SEC23B: variants seen among roughly 807,000 people sequenced by gnomAD.
SEC23B encodes SEC23 homolog B, COPII component.
SEC23B carries 77 observed loss-of-function variants against 104.3 expected under a neutral mutation model. That is an observed-to-expected ratio of 0.74 (90% CI 0.61 to 0.89). The LOEUF is 0.89. Among genes scored for constraint, SEC23B ranks in the 40% least tolerant of loss-of-function variants. SEC23B has a pLI of 0.00. For synonymous variants in SEC23B, 338 were observed against 332.5 expected, an observed-to-expected ratio of 1.02 and a Z score of -0.18; for missense variants, 885 against 949.4, an observed-to-expected ratio of 0.93 and a Z score of 0.89.
At chr20:18,559,788 G>T (rs2122196538) in intron 19 of SEC23B, among the ~76,000 whole-genome samples, 1 of 152,208 alleles carries the variant, frequency 6.6e-6, no homozygotes, top group African/African-American at 2.4e-5. Context: ...GTGCATCCTT[G>T]GGTCCCAAGG....
intron 4 of SEC23B, among the ~76,000 whole-genome samples, chr20:18,522,910 T>A (rs1323385928): frequency 1.3e-5 from 2 of 150,978 alleles, no homozygotes; most frequent in Non-Finnish European, 3.0e-5. Flanking sequence ...ACAAAAAAAA[T>A]TTAAAAATTA....
At chr20:18,525,223 C>G (rs1350799377) in intron 6 of SEC23B, among the ~76,000 whole-genome samples, 1 of 152,150 alleles carries the variant, frequency 6.6e-6, no homozygotes, top group Admixed American at 6.5e-5. Context: ...CATTCCACAT[C>G]TGATGTCCTT....
chr20:18,535,004 A>G (rs1196701114), intron 11 of SEC23B, among the ~76,000 whole-genome samples: 2 of 152,114 alleles, frequency 1.3e-5, no homozygotes, highest in African/African-American at 4.8e-5. Flanking sequence ...AAGGAAGGTG[A>G]ACCCCCGTGA....
intron 4 of SEC23B, among the ~76,000 whole-genome samples, chr20:18,519,478 C>T (rs916250988): frequency 5.9e-5 from 9 of 152,172 alleles, no homozygotes; most frequent in African/African-American, 1.2e-4. Flanking sequence ...AGCTGCCGCA[C>T]GGAGACATGA....
chr20:18,527,549 T>G lies in SEC23B; in HGVS notation c.1047T>G (p.Ile349Met). Residue 349 changes from isoleucine to methionine, a missense_variant, in exon 9 of 20, where the codon ATT becomes ATG. Transcript: ENST00000650089. ...RTAANGHCID[I>M]YACALDQTGL... ...CTGCAAATGGTCACTGCATTGATAT[T>G]TATGCTTGTGCCCTTGATCAAACTG... 6.2e-7 allele frequency: 1 copy of G among 1,613,904 alleles called. No individual in the cohort carries two copies. The highest frequency in any genetic ancestry group is 1.6e-4 in the Middle Eastern group (1 of 6,062).
chr20:18,534,252 A>T (rs1306338061), intron 11 of SEC23B, among the ~76,000 whole-genome samples: 1 of 152,218 alleles, frequency 6.6e-6, no homozygotes, highest in Non-Finnish European at 1.5e-5. Context: ...ATGTTCTCCT[A>T]CCACGATGTC....
chr20:18,522,392 A>C (rs1422586541), intron 4 of SEC23B, among the ~76,000 whole-genome samples: 2 of 152,352 alleles, frequency 1.3e-5, no homozygotes, highest in Non-Finnish European at 1.5e-5. Context: ...CCACGGATAA[A>C]AGGTGTCTCC....
chr20:18,517,150 C>T (rs2060036854), intron 4 of SEC23B, among the ~76,000 whole-genome samples: 1 of 152,208 alleles, frequency 6.6e-6, no homozygotes, highest in South Asian at 2.1e-4. Context: ...GAAGAGACCA[C>T]CAAACAGGCT....
intron 9 of SEC23B, among the ~76,000 whole-genome samples, chr20:18,528,450 C>T (rs2060153344): frequency 6.6e-6 from 1 of 152,236 alleles, no homozygotes; most frequent in Non-Finnish European, 1.5e-5. Context: ...TCTTGAGCCT[C>T]ACTCTAGACC....
intron 1 of SEC23B, 68 bp from the exon 2 acceptor site, chr20:18,510,754 A>G: frequency 8.3e-7 from 1 of 1,204,304 alleles, no homozygotes; most frequent in Non-Finnish European, 1.2e-6. Flanking sequence ...TACATGACCC[A>G]TCTTCTTTTT....
At chr20:18,523,725 G>T (rs1166284056) in intron 4 of SEC23B, among the ~76,000 whole-genome samples, 3 of 147,552 alleles carry the variant, frequency 2.0e-5, no homozygotes, top group East Asian at 4.0e-4. Context: ...TTTTTTTTAA[G>T]ATGGGGTCTT....
chr20:18,542,177 A>G lies in SEC23B; in HGVS notation c.1405-119A>G, dbSNP rs1568617129. ...GCAAATCCTAAGTGTGCCCTTCAAA[A>G]TGTGTCAAGAACCTTCCTGTCATTG... On this transcript the variant is annotated intron_variant, in intron 12 of 19. Transcript: ENST00000650089. 3 of 893,664 alleles carry G rather than the reference A, an allele frequency of 3.4e-6. No homozygotes were observed. In the Admixed American group the frequency reaches 5.1e-5, roughly 15 times the overall value. The allele number at this position is 893,664 out of a possible 1,614,324, so 55.4% of individuals were successfully genotyped here.
intron 13 of SEC23B, 40 bp from the exon 14 acceptor site, chr20:18,542,979 C>T (rs1206134888): frequency 2.5e-6 from 4 of 1,613,150 alleles, no homozygotes; most frequent in Non-Finnish European, 2.5e-6. Flanking sequence ...TTTCTGATCT[C>T]TCCTAAACAT....
intron 16 of SEC23B, among the ~76,000 whole-genome samples, chr20:18,550,822 C>T (rs1358801719): frequency 1.3e-5 from 1 of 79,744 alleles, no homozygotes; most frequent in Non-Finnish European, 3.6e-5. Context: ...AACACCCTGA[C>T]TCTTAAAAAA....
intron 12 of SEC23B, among the ~76,000 whole-genome samples, chr20:18,539,210 T>TCAAAAAAA: frequency 1.1e-5 from 1 of 95,138 alleles, no homozygotes; most frequent in East Asian, 3.7e-4. Context: ...AGACTCCGTC[T>TCAAAAAAA]AAAAAAAAAA....
In SEC23B at chr20:18,527,517, C is replaced by A. The variant is rs368960604; in HGVS notation, c.1015C>A (p.Arg339=). The A allele has an allele frequency of 6.2e-7, 1 of 1,611,214 alleles. No homozygotes were observed. The highest frequency in any genetic ancestry group is 1.3e-5 in the African/African-American group (1 of 75,022). The change falls in exon 9 of 20, where the codon CGA becomes AGA. Residue 339 remains arginine (R), a synonymous_variant. Transcript: ENST00000650089. ...ACAGCACTATGAGATGCTTGCTAAT[C>A]GAACAGCTGCAAATGGTCACTGCAT... The part of the protein sequence containing the change: ...ATKHYEMLAN[R]TAANGHCIDI...
intron 19 of SEC23B, among the ~76,000 whole-genome samples, chr20:18,560,433 G>A (rs994060059): frequency 6.6e-6 from 1 of 152,154 alleles, no homozygotes; most frequent in African/African-American, 2.4e-5. Flanking sequence ...ACTAGCAGGC[G>A]GTGGTGGCCT....
Position 18,555,100 on chromosome 20 carries a change from T to A in SEC23B, c.2149-8T>A, listed in dbSNP as rs370349147. The A allele has an allele frequency of 6.2e-7, 1 of 1,612,276 alleles. No homozygotes were observed. The highest frequency in any genetic ancestry group is 8.5e-7 in the Non-Finnish European group (1 of 1,178,330). ...CTTTAAATCTTTTTGTTGTTGTTGT[T>A]GTTAAAGGCTCGATTCCTTTTGTCC... On this transcript the variant is annotated splice_region_variant and splice_polypyrimidine_tract_variant and intron_variant, in intron 18 of 19. Coordinates refer to ENST00000650089, the MANE Select transcript of SEC23B (RefSeq NM_006363.6).
At chr20:18,514,459 C>T (rs1187815595) in intron 3 of SEC23B, among the ~76,000 whole-genome samples, 1 of 152,122 alleles carries the variant, frequency 6.6e-6, no homozygotes, top group Non-Finnish European at 1.5e-5. Flanking sequence ...TCAGTTGTAC[C>T]CTTCTCTCCC....
Sources: gnomAD v4.1 joint callset for allele counts (sites outside exome capture counted in the v4.1 genomes callset) on GRCh38, gnomAD v4.1.1 for gene constraint, MANE v1.5 for transcripts, NCBI Gene and HGNC (gene_info 2026-07-23, HGNC 2026-07-21) for gene names.